The following TOX variants were observed in gnomAD, a reference collection of about 807,000 sequenced individuals.
The protein encoded by TOX is thymocyte selection-associated high mobility group box protein TOX.
TOX carries 11 observed loss-of-function variants against 53.7 expected under a neutral mutation model. The ratio of observed to expected loss-of-function variants is 0.20; its 90% confidence interval spans 0.13 to 0.34. The LOEUF (loss-of-function observed/expected upper bound fraction) is 0.34. TOX is among the 10% of genes least tolerant of loss of function. TOX has a pLI of 1.00. For synonymous variants in TOX, 225 were observed against 245.3 expected, an observed-to-expected ratio of 0.92 and a Z score of 0.77; for missense variants, 570 against 664.6, an observed-to-expected ratio of 0.86 and a Z score of 1.56.
rs79170474 is a variant in TOX at position 58,832,435 on chromosome 8, T to G, written c.925-5533A>C. Among the ~76,000 whole-genome samples, 1,378 of 152,196 alleles carry G rather than the reference T, an allele frequency of 9.1e-3. 11 individuals carry two copies. Among genetic ancestry groups the G allele is most frequent in the Non-Finnish European group, 0.014 (934 of 68,004 alleles). On this transcript the variant is annotated intron_variant, in intron 5 of 8. Transcript: ENST00000361421. Reference sequence around the variant, plus strand: ...TGGCCAAGATAAACACATGTGTGAATGTTACAGTGCGACAGGATTTTAGTT... The same window carrying G: ...TGGCCAAGATAAACACATGTGTGAAGGTTACAGTGCGACAGGATTTTAGTT...
Position 58,826,802 on chromosome 8 carries a change from A to G in TOX, c.1005+20T>C. 6.3e-7 allele frequency: 1 copy of G among 1,589,182 alleles called. No homozygotes were observed. Among genetic ancestry groups the G allele is most frequent in the Non-Finnish European group, 8.6e-7 (1 of 1,169,442 alleles). ...CGAGATGGCCACAATCCTTCACAAT[A>G]TCACACAACTGCACGTTACCTTGGA... On this transcript the variant is annotated intron_variant, in intron 6 of 8. Transcript: ENST00000361421.
At position 58,851,912 on chromosome 8, in the gene TOX, G is replaced by A; in HGVS notation, c.412-107C>T. 1 of 1,033,420 alleles carries A rather than the reference G, an allele frequency of 9.7e-7. No homozygotes were observed. The highest frequency in any genetic ancestry group is 1.2e-6 in the Non-Finnish European group (1 of 814,462). 64.0% of individuals were successfully genotyped at this position (1,033,420 alleles called of 1,614,324 possible). A position where few individuals can be genotyped will look rare whatever the true frequency, so the allele number is the denominator to read the frequency against. ...AAAGTAATAATTCTTTAGATTTCCA[G>A]ATGTTCTGCTGAGTTACATACACAT... On this transcript the variant is annotated intron_variant, in intron 3 of 8. Coordinates refer to ENST00000361421, the MANE Select transcript of TOX (RefSeq NM_014729.3). This position sits in a 1 kb window ranked among gnomAD's most constrained non-coding sequence, Gnocchi z 4.4.
At chr8:58,964,323 G>T (rs1812853712) in intron 1 of TOX, among the ~76,000 whole-genome samples, 1 of 152,206 alleles carries the variant, frequency 6.6e-6, no homozygotes, top group African/African-American at 2.4e-5. Context: ...AATAGGCGTA[G>T]TCATTCCCAT....
At chr8:59,106,432 T>G (rs561439237) in intron 1 of TOX, among the ~76,000 whole-genome samples, 2 of 152,196 alleles carry the variant, frequency 1.3e-5, no homozygotes, top group Admixed American at 6.5e-5. Context: ...AAGTATATTA[T>G]AAGTACAGAG....
chr8:58,930,340 TAG>T (rs1345763184), intron 3 of TOX, among the ~76,000 whole-genome samples: 11 of 152,234 alleles, frequency 7.2e-5, no homozygotes, highest in Non-Finnish European at 1.0e-4. Context: ...TACACTTATA[TAG>T]AGCATTGCTA....
At chr8:58,910,473 T>C (rs1811890395) in intron 3 of TOX, among the ~76,000 whole-genome samples, 1 of 152,178 alleles carries the variant, frequency 6.6e-6, no homozygotes, top group Non-Finnish European at 1.5e-5. Flanking sequence ...TGAACAGAAA[T>C]ACCATGAAGT....
At chr8:58,838,605 T>C (rs1317061181) in intron 4 of TOX, among the ~76,000 whole-genome samples, 1 of 152,050 alleles carries the variant, frequency 6.6e-6, no homozygotes, top group Non-Finnish European at 1.5e-5. Context: ...ACTTTTTCTC[T>C]TACACTGTAA....
chr8:59,018,725 C>A (rs1383198766), intron 1 of TOX, among the ~76,000 whole-genome samples: 2 of 152,132 alleles, frequency 1.3e-5, no homozygotes, highest in East Asian at 3.9e-4. Context: ...AGTTCAACAA[C>A]TGTGGACCTG....
intron 3 of TOX, among the ~76,000 whole-genome samples, chr8:58,889,356 G>T (rs1811524475): frequency 6.6e-6 from 1 of 151,970 alleles, no homozygotes; most frequent in African/African-American, 2.4e-5. Flanking sequence ...ATGAGAAAGA[G>T]CTCCAGGAGA....
chr8:59,057,728 T>C (rs1388289630), intron 1 of TOX, among the ~76,000 whole-genome samples: 1 of 152,226 alleles, frequency 6.6e-6, no homozygotes, highest in Non-Finnish European at 1.5e-5. Flanking sequence ...GAATTACACA[T>C]TTTTATTGCT....
intron 3 of TOX, among the ~76,000 whole-genome samples, chr8:58,873,965 T>C: frequency 9.1e-6 from 1 of 110,072 alleles, no homozygotes; most frequent in South Asian, 3.9e-4. Context: ...AAGCTTTTTT[T>C]TTTTTTTTTT....
At chr8:59,092,829 G>A (rs938299050) in intron 1 of TOX, among the ~76,000 whole-genome samples, 12 of 152,008 alleles carry the variant, frequency 7.9e-5, no homozygotes, top group East Asian at 1.9e-4. Context: ...CTATTTGTGC[G>A]TCTCTCTTTC....
In TOX at chr8:59,078,481, C is replaced by G. The variant is rs143022606; in HGVS notation, c.102+40405G>C. 4.0e-4 allele frequency among the ~76,000 whole-genome samples: 61 copies of G among 152,288 alleles called. 2 individuals are homozygous for G. The East Asian group carries it at 0.01, about 26-fold the overall frequency. On this transcript the variant is annotated intron_variant, in intron 1 of 8. Coordinates refer to ENST00000361421, the MANE Select transcript of TOX (RefSeq NM_014729.3). ...GCCCCAACCCCCACATTCTCTTGCT[C>G]CTGCTTTCACTGTGTGAGGTGCCTG...
intron 3 of TOX, among the ~76,000 whole-genome samples, chr8:58,912,347 G>A (rs532170517): frequency 6.6e-6 from 1 of 152,262 alleles, no homozygotes; most frequent in East Asian, 1.9e-4. Flanking sequence ...CCATGATTAG[G>A]TTTTATCCTA....
At chr8:59,076,543 C>T (rs1804295130) in intron 1 of TOX, among the ~76,000 whole-genome samples, 1 of 152,176 alleles carries the variant, frequency 6.6e-6, no homozygotes, top group Non-Finnish European at 1.5e-5. Flanking sequence ...GGCACCTATA[C>T]TTTTGGCATC....
chr8:59,108,766 T>C (rs552965121), intron 1 of TOX, among the ~76,000 whole-genome samples: 8 of 152,106 alleles, frequency 5.3e-5, no homozygotes, highest in Admixed American at 4.6e-4. Flanking sequence ...CTTGTTCACT[T>C]AACATTTTGG....
chr8:58,985,299 T>A (rs1027805155), intron 1 of TOX, among the ~76,000 whole-genome samples: 1 of 152,132 alleles, frequency 6.6e-6, no homozygotes, highest in African/African-American at 2.4e-5. Context: ...CAAGGGAATA[T>A]TATTCAGTCT....
chr8:58,909,201 A>T (rs1440240732), intron 3 of TOX, among the ~76,000 whole-genome samples: 1 of 152,132 alleles, frequency 6.6e-6, no homozygotes, highest in Non-Finnish European at 1.5e-5. Flanking sequence ...TCTGATGAGC[A>T]CTCAGGTTTG....
intron 1 of TOX, among the ~76,000 whole-genome samples, chr8:59,002,785 T>C (rs528501030): frequency 1.3e-5 from 2 of 152,326 alleles, no homozygotes; most frequent in African/African-American, 4.8e-5. Context: ...ATAATATTTC[T>C]GATAGGGAAT....
Sources: gnomAD v4.1 joint callset for allele counts (sites outside exome capture counted in the v4.1 genomes callset) on GRCh38, gnomAD v4.1.1 for gene constraint, Gnocchi (gnomAD v3.1) non-coding constraint, MANE v1.5 for transcripts, NCBI Gene and HGNC (gene_info 2026-07-23, HGNC 2026-07-21) for gene names.